The following ZNRF1 variants were observed in gnomAD, a reference collection of about 807,000 sequenced individuals.
ZNRF1 encodes E3 ubiquitin-protein ligase ZNRF1.
ZNRF1 carries 3 observed loss-of-function variants against 18.4 expected under a neutral mutation model. The ratio of observed to expected loss-of-function variants is 0.16; its 90% CI spans 0.07 to 0.42. The LOEUF is 0.42. Among genes scored for constraint, ZNRF1 ranks in the 10% least tolerant of loss-of-function variants. The pLI is 0.99. For missense variants in ZNRF1, 310 were observed against 329.8 expected, an observed-to-expected ratio of 0.94 and a Z score of 0.47; for synonymous variants, 157 against 144.2, an observed-to-expected ratio of 1.09 and a Z score of -0.64.
chr16:75,028,979 A>G (rs1431303749), intron 1 of ZNRF1, among the ~76,000 whole-genome samples: 1 of 151,534 alleles, frequency 6.6e-6, no homozygotes, highest in Non-Finnish European at 1.5e-5. Context: ...CCTTGAACCA[A>G]CTCTCTTTTT....
intron 2 of ZNRF1, among the ~76,000 whole-genome samples, chr16:75,097,591 A>G (rs942846578): frequency 6.6e-6 from 1 of 152,164 alleles, no homozygotes; most frequent in African/African-American, 2.4e-5. Context: ...ACTTTGGGGA[A>G]CCGAGATTGC....
chr16:75,005,202 T>G (rs2034902643), intron 1 of ZNRF1, among the ~76,000 whole-genome samples: 1 of 152,214 alleles, frequency 6.6e-6, no homozygotes, highest in Non-Finnish European at 1.5e-5. Flanking sequence ...AATGAAAACT[T>G]GTATTAAAAA....
At chr16:75,070,207 G>GC (rs2035853228) in intron 1 of ZNRF1, among the ~76,000 whole-genome samples, 1 of 152,134 alleles carries the variant, frequency 6.6e-6, no homozygotes, top group Non-Finnish European at 1.5e-5. Flanking sequence ...CAGCCCACTG[G>GC]CCCCAGGAGC....
At position 74,999,601 on chromosome 16, in the gene ZNRF1, T is replaced by TC; in HGVS notation, c.-66dup. Reference sequence around the variant, plus strand: ...CTCCCCCTTTATGCTCGCCCAGCCCTCCCCCTGCTGCTGAGAAGTGGGGGA... The same window carrying TC: ...CTCCCCCTTTATGCTCGCCCAGCCCTCCCCCCTGCTGCTGAGAAGTGGGGGA... On this transcript the variant is annotated 5_prime_UTR_variant, in exon 1 of 5. It removes the in-frame stop codon of an upstream open reading frame in the 5' UTR. Coordinates refer to ENST00000335325, the MANE Select transcript of ZNRF1 (RefSeq NM_032268.5). 8.8e-7 allele frequency: 1 copy of TC among 1,131,064 alleles called. No individual in the cohort carries two copies. Among genetic ancestry groups the TC allele is most frequent in the Non-Finnish European group, 1.1e-6 (1 of 879,190 alleles). The allele number at this position is 1,131,064 out of a possible 1,614,324, so 70.1% of individuals were successfully genotyped here. A position where few individuals can be genotyped will look rare whatever the true frequency, so the allele number is the denominator to read the frequency against.
chr16:75,007,408 T>C (rs1002645811), intron 1 of ZNRF1, among the ~76,000 whole-genome samples: 1 of 152,118 alleles, frequency 6.6e-6, no homozygotes, highest in African/African-American at 2.4e-5. Context: ...GATGAGACTG[T>C]TTACCTTGAG....
intron 1 of ZNRF1, among the ~76,000 whole-genome samples, chr16:75,012,255 T>C (rs2035008866): frequency 6.6e-6 from 1 of 152,206 alleles, no homozygotes; most frequent in Non-Finnish European, 1.5e-5. Context: ...CCAGTGAGAC[T>C]GGAGTTTCAA....
chr16:75,076,358 G>A (rs2035941242), intron 1 of ZNRF1, among the ~76,000 whole-genome samples: 1 of 152,068 alleles, frequency 6.6e-6, no homozygotes, highest in African/African-American at 2.4e-5. Flanking sequence ...CATCCCCATA[G>A]GTTTCAGGTC....
chr16:75,088,338 A>G (rs2145417289), intron 1 of ZNRF1, among the ~76,000 whole-genome samples: 1 of 152,124 alleles, frequency 6.6e-6, no homozygotes, highest in East Asian at 1.9e-4. Flanking sequence ...TTTACCCTTT[A>G]TTTTCCATTT....
At chr16:75,075,005 T>C (rs888162737) in intron 1 of ZNRF1, among the ~76,000 whole-genome samples, 1 of 151,990 alleles carries the variant, frequency 6.6e-6, no homozygotes, top group Non-Finnish European at 1.5e-5. Context: ...GAAATGGCTG[T>C]TGAGTACTTT....
rs184297366 is a variant in ZNRF1 at position 75,041,530 on chromosome 16, C to T, written c.424+41435C>T. ...TTTTTTGTTACAGATGGGGTTTCAC[C>T]ATGTTGGCCAGGCTGGTCTCCAACT... is the stretch of plus-strand genomic sequence containing the variant. On this transcript the variant is annotated intron_variant, in intron 1 of 4. Coordinates refer to ENST00000335325, the MANE Select transcript of ZNRF1 (RefSeq NM_032268.5). Among the ~76,000 whole-genome samples the T allele has an allele frequency of 3.4e-3, 517 of 151,656 alleles. 6 individuals carry two copies. The highest frequency in any genetic ancestry group is 0.012 in the African/African-American group (488 of 41,396).
At chr16:75,050,896 A>G (rs1195165662) in intron 1 of ZNRF1, among the ~76,000 whole-genome samples, 1 of 106,002 alleles carries the variant, frequency 9.4e-6, no homozygotes, top group Non-Finnish European at 1.9e-5. Flanking sequence ...AAACAAAAAA[A>G]AACAAAAAAC....
At chr16:75,063,010 G>T (rs2035761595) in intron 1 of ZNRF1, among the ~76,000 whole-genome samples, 1 of 152,178 alleles carries the variant, frequency 6.6e-6, no homozygotes, top group Non-Finnish European at 1.5e-5. Context: ...GGGACCTGTG[G>T]TAGGAAAGAA....
At chr16:75,050,141 T>G (rs1272668443) in intron 1 of ZNRF1, among the ~76,000 whole-genome samples, 1 of 152,212 alleles carries the variant, frequency 6.6e-6, no homozygotes, top group African/African-American at 2.4e-5. Flanking sequence ...CAAACTCTTG[T>G]GTATTTCAAT....
chr16:75,052,500 T>C lies in ZNRF1; in HGVS notation c.425-41072T>C, dbSNP rs377588368. On this transcript the variant is annotated intron_variant, in intron 1 of 4. Coordinates refer to ENST00000335325, the MANE Select transcript of ZNRF1 (RefSeq NM_032268.5). ...ATAGTTGGGTCCAAACATAAGATGT[T>C]TGTAAAAAGGTCCCTGATTTTGACC... 1.2e-4 allele frequency among the ~76,000 whole-genome samples: 18 copies of C among 152,306 alleles called. No homozygotes were observed. In the East Asian group the frequency reaches 3.5e-3, roughly 29 times the overall value.
chr16:75,071,681 G>T (rs985313195), intron 1 of ZNRF1, among the ~76,000 whole-genome samples: 4 of 152,300 alleles, frequency 2.6e-5, no homozygotes, highest in African/African-American at 7.2e-5. Context: ...ATGAAGGGTG[G>T]CAAGATTCTG....
At chr16:75,094,222 C>T (rs966713093) in intron 2 of ZNRF1, among the ~76,000 whole-genome samples, 3 of 152,186 alleles carry the variant, frequency 2.0e-5, no homozygotes, top group Admixed American at 6.5e-5. Flanking sequence ...GACATAGAGA[C>T]GCTCTGGGGA....
chr16:75,058,941 G>A (rs2035702556), intron 1 of ZNRF1, among the ~76,000 whole-genome samples: 1 of 152,184 alleles, frequency 6.6e-6, no homozygotes, highest in Admixed American at 6.5e-5. Flanking sequence ...ACCCTTCCAA[G>A]GGGCTGCTAC....
At chr16:75,081,642 T>TGGAAACAGA (rs1378119580) in intron 1 of ZNRF1, among the ~76,000 whole-genome samples, 4 of 152,158 alleles carry the variant, frequency 2.6e-5, no homozygotes, top group African/African-American at 7.2e-5. Context: ...GTGTCGGCGG[T>TGGAAACAGA]GGAAACAGAG....
At chr16:75,005,262 C>T (rs865965177) in intron 1 of ZNRF1, among the ~76,000 whole-genome samples, 1 of 152,132 alleles carries the variant, frequency 6.6e-6, no homozygotes, top group Non-Finnish European at 1.5e-5. Context: ...TCTTAAAATA[C>T]AAAAGTTACC....
Sources: gnomAD v4.1 joint callset for allele counts (sites outside exome capture counted in the v4.1 genomes callset) on GRCh38, gnomAD v4.1.1 for gene constraint, MANE v1.5 for transcripts, NCBI Gene and HGNC (gene_info 2026-07-23, HGNC 2026-07-21) for gene names.